Variants in SP4 observed in about 807,000 individuals in gnomAD.
The protein encoded by SP4 is transcription factor Sp4.
In SP4, 19 loss-of-function variants were observed where a neutral mutation model predicts 72.8. The ratio of observed to expected loss-of-function variants is 0.26; its 90% CI spans 0.18 to 0.38. The LOEUF (loss-of-function observed/expected upper bound fraction) is 0.38. Ranked by LOEUF, SP4 falls within the 10% of genes least tolerant of loss-of-function variation. The pLI, the probability that SP4 is intolerant of heterozygous loss-of-function variation, is 1.00. For synonymous variants in SP4, 395 were observed against 333.1 expected (o/e 1.19, Z -2.02); for missense variants, 1,008 against 926.3 (o/e 1.09, Z -1.14).
intron 5 of SP4, among the ~76,000 whole-genome samples, chr7:21,498,165 A>G (rs1284810625): frequency 6.6e-6 from 1 of 152,176 alleles, no homozygotes; most frequent in Admixed American, 6.5e-5. Flanking sequence ...CCAACTAGAG[A>G]TTGAAAATTT....
In SP4 at chr7:21,481,969, T is replaced by G. The variant is rs773108327; in HGVS notation, c.1953T>G (p.Ile651Met). The G allele has an allele frequency of 5.0e-6, 8 of 1,613,976 alleles. No homozygotes were observed. The highest frequency in any genetic ancestry group is 2.2e-5 in the South Asian group (2 of 91,088). ...AAAAGAAGCAGCATATCTGTCATAT[T>G]GAAGGATGTGGTAAAGTTTATGGCA... ...PGKKKQHICH[I>M]EGCGKVYGKT... Residue 651 changes from isoleucine to methionine, a missense_variant, in exon 5 of 6, where the codon ATT becomes ATG. Physicochemically the swap from Ile to Met is conservative, Grantham distance 10. Transcript: ENST00000222584.
At position 21,466,961 on chromosome 7, in the gene SP4, A is replaced by G. The variant is rs557711194; in HGVS notation, c.1679-10118A>G. The stretch of plus-strand genomic sequence containing the variant: ...TGTAGTTTTTATAGGGATCACACAA[A>G]TGTACCATATTTTAATTTTTCATAT... On this transcript the variant is annotated intron_variant, in intron 3 of 5. Transcript: ENST00000222584. Among the ~76,000 whole-genome samples, 27 of 152,292 alleles carry G rather than the reference A, an allele frequency of 1.8e-4. No homozygotes were observed. The South Asian group carries it at 2.3e-3, about 13-fold the overall frequency.
At chr7:21,478,275 T>C (rs957728302) in intron 4 of SP4, among the ~76,000 whole-genome samples, 2 of 152,246 alleles carry the variant, frequency 1.3e-5, no homozygotes, top group African/African-American at 2.4e-5. Context: ...TTGAAGGACA[T>C]TTGGTTTTAT....
intron 3 of SP4, among the ~76,000 whole-genome samples, chr7:21,455,997 G>C (rs1783752920): frequency 6.6e-6 from 1 of 152,170 alleles, no homozygotes; most frequent in Non-Finnish European, 1.5e-5. Flanking sequence ...GAAGGGCATG[G>C]AAGTAATTCG....
At chr7:21,445,202 A>G (rs916631678) in intron 3 of SP4, among the ~76,000 whole-genome samples, 14 of 152,164 alleles carry the variant, frequency 9.2e-5, no homozygotes, top group Admixed American at 2.6e-4. Flanking sequence ...AGGGCCCAAA[A>G]GAGGGAGTCT....
intron 3 of SP4, among the ~76,000 whole-genome samples, chr7:21,453,912 T>G (rs922663191): frequency 6.6e-6 from 1 of 152,206 alleles, no homozygotes; most frequent in Non-Finnish European, 1.5e-5. Context: ...CTTTATCCTA[T>G]CTAACTTAAA....
chr7:21,430,583 A>G lies in SP4; in HGVS notation c.1418A>G (p.Gln473Arg). The G allele has an allele frequency of 6.2e-7, 1 of 1,614,222 alleles. No homozygotes were observed. Among genetic ancestry groups the G allele is most frequent in the Non-Finnish European group, 8.5e-7 (1 of 1,180,038 alleles). Residue 473 changes from glutamine (Q) to arginine (R), a missense_variant, in exon 3 of 6, where the codon CAG becomes CGG. Coordinates refer to ENST00000222584, the MANE Select transcript of SP4 (RefSeq NM_003112.5). ...GGGCAAATCAGTTGGCAAACTGTACAGGTTCAGAATATTCAGAGTCTTTCA... is the reference window on the plus strand; with the variant it reads ...GGGCAAATCAGTTGGCAAACTGTACGGGTTCAGAATATTCAGAGTCTTTCA... Reference protein sequence around the residue: ...PSGQISWQTVQVQNIQSLSNL... With the variant: ...PSGQISWQTVRVQNIQSLSNL...
intron 3 of SP4, among the ~76,000 whole-genome samples, chr7:21,463,404 A>T (rs1178340545): frequency 6.6e-6 from 1 of 152,230 alleles, no homozygotes; most frequent in Non-Finnish European, 1.5e-5. Context: ...TTAGGGCTTT[A>T]TTAGCCCTCC....
At position 21,512,854 on chromosome 7, in the gene SP4, T is replaced by G. The variant is rs76064123; in HGVS notation, c.*1585T>G. The stretch of plus-strand genomic sequence containing the variant: ...CTGGGATTACAGGCATGAGCCACCA[T>G]GCCCGGCTAGGAAAGGGTCTTACTA... On this transcript the variant is annotated 3_prime_UTR_variant, in exon 6 of 6. Transcript: ENST00000222584. 1 of 152,528 alleles carries G rather than the reference T, an allele frequency of 6.6e-6. No homozygotes were observed. The highest frequency in any genetic ancestry group is 1.5e-5 in the Non-Finnish European group (1 of 68,024). 9.4% of individuals were successfully genotyped at this position (152,528 alleles called of 1,614,324 possible).
intron 3 of SP4, among the ~76,000 whole-genome samples, chr7:21,444,303 G>C (rs1433689501): frequency 6.6e-6 from 1 of 152,088 alleles, no homozygotes; most frequent in Non-Finnish European, 1.5e-5. Context: ...GAAGTAAAAG[G>C]GTACTTCTTT....
intron 3 of SP4, among the ~76,000 whole-genome samples, chr7:21,460,492 A>C (rs1011648568): frequency 2.6e-5 from 4 of 152,200 alleles, no homozygotes; most frequent in Admixed American, 2.0e-4. Context: ...AAGAGTGAGC[A>C]GCAGCAAGAT....
At chr7:21,429,098 T>A (rs12537609) in intron 2 of SP4, among the ~76,000 whole-genome samples, 191 bp from the exon 3 acceptor site, 2,197 of 152,204 alleles carry the variant, frequency 0.014, 50 homozygotes, top group African/African-American at 0.051. Context: ...AAACTTGATA[T>A]TATAGGACTT....
chr7:21,489,553 C>CTTTTTTTTTTTTTTTTT (rs1193080485), intron 5 of SP4, among the ~76,000 whole-genome samples: 2 of 82,522 alleles, frequency 2.4e-5, no homozygotes, highest in Non-Finnish European at 2.3e-5. Flanking sequence ...TTTCTTTTTT[C>CTTTTTTTTTTTTTTTTT]TTTTTTTTTT....
At chr7:21,501,906 G>A (rs569191004) in intron 5 of SP4, among the ~76,000 whole-genome samples, 27 of 152,168 alleles carry the variant, frequency 1.8e-4, no homozygotes, top group Admixed American at 3.3e-4. Context: ...AGGATGTCCC[G>A]AGTATAATCG....
At chr7:21,498,164 G>T (rs1312286382) in intron 5 of SP4, among the ~76,000 whole-genome samples, 2 of 151,720 alleles carry the variant, frequency 1.3e-5, no homozygotes, top group African/African-American at 4.8e-5. Context: ...GCCAACTAGA[G>T]ATTGAAAATT....
At chr7:21,456,039 A>T (rs115867763) in intron 3 of SP4, among the ~76,000 whole-genome samples, 3,023 of 152,282 alleles carry the variant, frequency 0.02, 85 homozygotes, top group African/African-American at 0.063. Context: ...AAGTGGGAAG[A>T]AGCTAGAGGA....
chr7:21,464,891 A>T (rs1784120824), intron 3 of SP4, among the ~76,000 whole-genome samples: 1 of 152,230 alleles, frequency 6.6e-6, no homozygotes, highest in Non-Finnish European at 1.5e-5. Flanking sequence ...ACTTTTTAAG[A>T]CTATTTACAA....
At position 21,481,920 on chromosome 7, in the gene SP4, C is replaced by G. The variant is rs1301226051; in HGVS notation, c.1908-4C>G. On this transcript the variant is annotated splice_polypyrimidine_tract_variant and splice_region_variant and intron_variant, in intron 4 of 5. Coordinates refer to ENST00000222584, the MANE Select transcript of SP4 (RefSeq NM_003112.5). ...AATTAATGTTCGGTTTTTGTTTTTG[C>G]TAGAGGCAGTAATGAACCAGGAAAA... 1 of 1,609,950 alleles carries G rather than the reference C, an allele frequency of 6.2e-7. No homozygotes were observed. The highest frequency in any genetic ancestry group is 8.5e-7 in the Non-Finnish European group (1 of 1,177,066).
chr7:21,455,065 C>A (rs557108483), intron 3 of SP4, among the ~76,000 whole-genome samples: 2 of 152,244 alleles, frequency 1.3e-5, no homozygotes, highest in African/African-American at 4.8e-5. Context: ...GATTTGGAAG[C>A]CAGCCAGAGC....
Sources: gnomAD v4.1 joint callset for allele counts (sites outside exome capture counted in the v4.1 genomes callset) on GRCh38, gnomAD v4.1.1 for gene constraint, MANE v1.5 for transcripts, NCBI Gene and HGNC (gene_info 2026-07-23, HGNC 2026-07-21) for gene names.